ZNF85: variants seen among roughly 807,000 people sequenced by gnomAD.
ZNF85 encodes zinc finger protein 85 (HPF4, HTF1).
Under a neutral mutation model 53.9 loss-of-function variants are expected in ZNF85, and 50 were observed. The ratio of observed to expected loss-of-function variants is 0.93; its 90% confidence interval spans 0.74 to 1.17. The LOEUF (loss-of-function observed/expected upper bound fraction) is 1.17, where lower values mean the gene tolerates loss of function less well. Among genes scored for constraint, ZNF85 ranks in the 50% most tolerant of loss-of-function variants. The pLI is 0.00. For synonymous variants in ZNF85, 225 were observed against 226.1 expected, an observed-to-expected ratio of 1.00 and a Z score of 0.04; for missense variants, 747 against 688.5, an observed-to-expected ratio of 1.08 and a Z score of -0.95.
chr19:20,931,620 CTTTTTTTTTTT>C (rs1156835317), intron 1 of ZNF85, among the ~76,000 whole-genome samples: 1 of 119,468 alleles, frequency 8.4e-6, no homozygotes, highest in African/African-American at 3.4e-5. Flanking sequence ...TTTTCTTTTT[CTTTTTTTTTTT>C]TTTTTTTTGA....
intron 3 of ZNF85, among the ~76,000 whole-genome samples, chr19:20,941,884 A>G (rs1382101302): frequency 6.6e-6 from 1 of 152,086 alleles, no homozygotes; most frequent in Admixed American, 6.5e-5. Flanking sequence ...GACAAATGTC[A>G]TGTCTTTCCC....
intron 1 of ZNF85, among the ~76,000 whole-genome samples, chr19:20,923,893 C>G (rs1169768344): frequency 6.6e-6 from 1 of 151,994 alleles, no homozygotes; most frequent in African/African-American, 2.4e-5. Context: ...ACCATCCTGG[C>G]CAACATGGTG....
chr19:20,930,400 AT>A (rs1972987595), intron 1 of ZNF85, among the ~76,000 whole-genome samples: 1 of 151,632 alleles, frequency 6.6e-6, no homozygotes, highest in African/African-American at 2.4e-5. Flanking sequence ...TCTAAAATAC[AT>A]TAAACTTTCC....
rs561710217 is a variant in ZNF85 at position 20,947,765 on chromosome 19, A to T, written c.230-979A>T. On this transcript the variant is annotated intron_variant, in intron 3 of 3. Coordinates refer to ENST00000328178, the MANE Select transcript of ZNF85 (RefSeq NM_003429.5). ...TTACATCATTTTTTCTTATATTAAA[A>T]TTTTTTTGTATTTTTCACCTCCACA... Among the ~76,000 whole-genome samples, 96 of 151,186 alleles carry T rather than the reference A, an allele frequency of 6.3e-4. 1 individual carries two copies. The South Asian group carries it at 0.01, about 16-fold the overall frequency.
At chr19:20,943,742 C>G (rs577570535) in intron 3 of ZNF85, 1 of 152,106 alleles carries the variant, frequency 6.6e-6, no homozygotes, top group South Asian at 2.1e-4. Flanking sequence ...TCACTTTTGT[C>G]AATATTTGCT....
intron 3 of ZNF85, among the ~76,000 whole-genome samples, chr19:20,945,869 A>G (rs1266717821): frequency 6.6e-6 from 1 of 152,206 alleles, no homozygotes; most frequent in Non-Finnish European, 1.5e-5. Flanking sequence ...ATTGGCTTTC[A>G]GTAACAATGC....
In ZNF85 at chr19:20,949,972, ATG is replaced by A; in HGVS notation, c.1461_1462del (p.Cys487TrpfsTer5). 6.2e-7 allele frequency: 1 copy of A among 1,611,352 alleles called. No individual in the cohort carries two copies. The highest frequency in any genetic ancestry group is 8.5e-7 in the Non-Finnish European group (1 of 1,178,192). On this transcript the variant is annotated frameshift_variant, in exon 4 of 4. Coordinates refer to ENST00000328178, the MANE Select transcript of ZNF85 (RefSeq NM_003429.5). LOFTEE classifies it high-confidence loss of function. The part of the protein sequence containing the change: ...TEEKPYKCEE[C>X]GKGFKWPSTL... ...AAGAGAAACCTTACAAATGTGAAGA[ATG>A]TGGCAAAGGTTTTAAATGGCCCTCA...
chr19:20,939,967 G>A (rs1973255460), intron 3 of ZNF85, among the ~76,000 whole-genome samples: 1 of 152,234 alleles, frequency 6.6e-6, no homozygotes, highest in African/African-American at 2.4e-5. Flanking sequence ...AAAGTGCTGG[G>A]ATTACAGATG....
At chr19:20,930,637 G>A (rs113358975) in intron 1 of ZNF85, among the ~76,000 whole-genome samples, 1 of 152,178 alleles carries the variant, frequency 6.6e-6, no homozygotes, top group Admixed American at 6.5e-5. Context: ...CATAGTTCCT[G>A]CTTAATATAT....
At chr19:20,946,605 A>T (rs1403148644) in intron 3 of ZNF85, among the ~76,000 whole-genome samples, 1 of 139,302 alleles carries the variant, frequency 7.2e-6, no homozygotes, top group Non-Finnish European at 1.6e-5. Flanking sequence ...CCACAAATGT[A>T]TATAGAAATT....
chr19:20,950,182 T>TA lies in ZNF85; in HGVS notation c.1670dup (p.Arg558GlufsTer12). 1 of 1,613,140 alleles carries TA rather than the reference T, an allele frequency of 6.2e-7. No homozygotes were observed. The highest frequency in any genetic ancestry group is 8.5e-7 in the Non-Finnish European group (1 of 1,179,674). The stretch of plus-strand genomic sequence containing the variant: ...ACCAGTCCTCAAACCTTACTAAACA[T>TA]AAGAGAATTCATACTGGAGAAAAAC... On this transcript the variant is annotated frameshift_variant, in exon 4 of 4. Coordinates refer to ENST00000328178, the MANE Select transcript of ZNF85 (RefSeq NM_003429.5). LOFTEE classifies it high-confidence loss of function.
intron 3 of ZNF85, chr19:20,942,789 A>G (rs1249204134): frequency 1.6e-5 from 11 of 699,258 alleles, no homozygotes; most frequent in Non-Finnish European, 2.9e-5. Flanking sequence ...TGTCATTGTT[A>G]TTTTGACGCA....
In ZNF85 at chr19:20,949,835, C is replaced by T; in HGVS notation, c.1321C>T (p.Leu441Phe). ...CEKAFNQSSK[L>F]TEHKKIHTGE... ...AAAAGCTTTTAACCAATCCTCAAAA[C>T]TTACTGAACATAAGAAAATTCATAC... The change falls in exon 4 of 4, where the codon CTT becomes TTT. Residue 441 changes from leucine to phenylalanine, a missense_variant. Transcript: ENST00000328178. 2 of 1,612,496 alleles carry T rather than the reference C, an allele frequency of 1.2e-6. No individual in the cohort carries two copies. The highest frequency in any genetic ancestry group is 8.5e-7 in the Non-Finnish European group (1 of 1,179,218).
intron 3 of ZNF85, chr19:20,943,328 A>G (rs1973343922): frequency 6.5e-6 from 1 of 153,422 alleles, no homozygotes; most frequent in Non-Finnish European, 1.5e-5. Context: ...ATGGCTTTGT[A>G]CTATCCTCTT....
At chr19:20,945,249 A>G (rs544937999) in intron 3 of ZNF85, among the ~76,000 whole-genome samples, 9 of 152,260 alleles carry the variant, frequency 5.9e-5, no homozygotes, top group East Asian at 5.8e-4. Flanking sequence ...TTATCTTGCA[A>G]AGCTGAATCT....
chr19:20,924,085 C>CA lies in ZNF85; in HGVS notation c.3+698dup, dbSNP rs35334102. 9.6e-3 allele frequency among the ~76,000 whole-genome samples: 923 copies of CA among 96,328 alleles called. 8 individuals carry two copies. The highest frequency in any genetic ancestry group is 0.023 in the African/African-American group (598 of 26,188). 63.2% of individuals were successfully genotyped at this position (96,328 alleles called of 152,430 possible). ...GGGCAATAAGAGTGAAACTCCGTCT[C>CA]AAAAAAAAAAAAAAAAGATGTATAG... On this transcript the variant is annotated intron_variant, in intron 1 of 3. Coordinates refer to ENST00000328178, the MANE Select transcript of ZNF85 (RefSeq NM_003429.5).
At position 20,948,885 on chromosome 19, in the gene ZNF85, G is replaced by GT; in HGVS notation, c.372dup (p.Lys125Ter). 1 of 1,613,720 alleles carries GT rather than the reference G, an allele frequency of 6.2e-7. No homozygotes were observed. The highest frequency in any genetic ancestry group is 1.7e-5 in the Admixed American group (1 of 60,010). On this transcript the variant is annotated frameshift_variant, in exon 4 of 4. Transcript: ENST00000328178. LOFTEE classifies it high-confidence loss of function. Reference sequence around the variant, plus strand: ...AAAGGCTGTGAAAGTATGGATGAGTGTAAGATGCACAAAGGAGGTTGTAAT... The same window carrying GT: ...AAAGGCTGTGAAAGTATGGATGAGTGTTAAGATGCACAAAGGAGGTTGTAAT...
At chr19:20,939,774 C>T (rs1260937142) in intron 3 of ZNF85, among the ~76,000 whole-genome samples, 4 of 151,884 alleles carry the variant, frequency 2.6e-5, no homozygotes, top group Non-Finnish European at 4.4e-5. Context: ...CTCAGCTCAC[C>T]GCAACCTCTG....
At chr19:20,923,505 A>G in intron 1 of ZNF85, 102 bp downstream of exon 1, 1 of 1,582,810 alleles carries the variant, frequency 6.3e-7, no homozygotes, top group Non-Finnish European at 8.6e-7. Flanking sequence ...TCAGCTCCAC[A>G]ATCTGCGCTC....
Sources: allele counts gnomAD v4.1 joint callset (sites outside exome capture counted in the v4.1 genomes callset), GRCh38; gene constraint gnomAD v4.1.1; transcripts MANE v1.5; gene names NCBI Gene and HGNC (gene_info 2026-07-23, HGNC 2026-07-21).